Variants in ACTR3 observed in about 807,000 individuals in gnomAD.
The protein encoded by ACTR3 is actin-related protein 3.
A neutral mutation model predicts 56.8 loss-of-function variants in ACTR3; 12 were observed. The ratio of observed to expected loss-of-function variants is 0.21; its 90% CI spans 0.14 to 0.34. The LOEUF (loss-of-function observed/expected upper bound fraction) is 0.34, where lower values mean the gene tolerates loss of function less well. Among genes scored for constraint, ACTR3 ranks in the 10% least tolerant of loss-of-function variants. The pLI is 1.00. For missense variants in ACTR3, 282 were observed against 512.5 expected (o/e 0.55, Z 4.34); for synonymous variants, 162 against 167.4 (o/e 0.97, Z 0.25).
chr2:113,941,402 A>G (rs535501142), intron 7 of ACTR3, among the ~76,000 whole-genome samples: 105 of 152,258 alleles, frequency 6.9e-4, no homozygotes, highest in African/African-American at 2.4e-3. Flanking sequence ...TCTCACTTCC[A>G]AGGTTTGGAG....
chr2:113,934,533 C>T (rs968578685), intron 6 of ACTR3, 147 bp downstream of exon 6: 9 of 471,840 alleles, frequency 1.9e-5, no homozygotes, highest in Middle Eastern at 4.2e-4. Flanking sequence ...TTTTGCTCAC[C>T]GTTTAAAACT....
At chr2:113,906,852 G>A (rs12996997) in intron 1 of ACTR3, among the ~76,000 whole-genome samples, 12,527 of 152,116 alleles carry the variant, frequency 0.082, 567 homozygotes, top group East Asian at 0.18. Context: ...GGTCACTATA[G>A]CTTTGTAGTA....
chr2:113,898,574 T>C (rs181658362), intron 1 of ACTR3, among the ~76,000 whole-genome samples: 125 of 152,342 alleles, frequency 8.2e-4, no homozygotes, highest in Non-Finnish European at 1.4e-3. Context: ...TTCGTTGTAA[T>C]GCAGAGGCAT....
chr2:113,945,676 A>C (rs1001856530), intron 8 of ACTR3, among the ~76,000 whole-genome samples: 1 of 151,884 alleles, frequency 6.6e-6, no homozygotes, highest in Non-Finnish European at 1.5e-5. Context: ...TCAGGGGTAC[A>C]TGTACAGGTT....
At chr2:113,929,870 G>C (rs1267625936) in intron 4 of ACTR3, among the ~76,000 whole-genome samples, 7 of 151,810 alleles carry the variant, frequency 4.6e-5, no homozygotes, top group African/African-American at 1.7e-4. Flanking sequence ...GTAGAGACAG[G>C]ATTTTGCCAT....
chr2:113,956,127 A>G (rs965020971), intron 11 of ACTR3, among the ~76,000 whole-genome samples: 4 of 151,932 alleles, frequency 2.6e-5, no homozygotes, highest in African/African-American at 9.7e-5. Flanking sequence ...CTTGGGCTCA[A>G]GTGATCCTTC....
intron 1 of ACTR3, among the ~76,000 whole-genome samples, chr2:113,911,220 C>G (rs1679300017): frequency 1.3e-5 from 2 of 151,488 alleles, no homozygotes; most frequent in Non-Finnish European, 1.5e-5. Flanking sequence ...GGTGTCAGGG[C>G]AGCTGGGAGA....
chr2:113,952,408 T>C (rs926351376), intron 10 of ACTR3: 2 of 152,214 alleles, frequency 1.3e-5, no homozygotes, highest in African/African-American at 4.8e-5. Context: ...TAGAGATAGA[T>C]TCTTCATTTT....
chr2:113,931,058 T>C (rs1679715223), intron 4 of ACTR3, among the ~76,000 whole-genome samples: 1 of 152,144 alleles, frequency 6.6e-6, no homozygotes, highest in African/African-American at 2.4e-5. Flanking sequence ...GTATAAGTGG[T>C]ATGATATAGG....
At chr2:113,932,411 A>G (rs1028135586) in intron 5 of ACTR3, among the ~76,000 whole-genome samples, 2 of 152,176 alleles carry the variant, frequency 1.3e-5, no homozygotes, top group African/African-American at 4.8e-5. Flanking sequence ...TATGTTAAAT[A>G]TAATAAACTT....
At chr2:113,893,285 T>C (rs1291121506) in intron 1 of ACTR3, among the ~76,000 whole-genome samples, 2 of 143,722 alleles carry the variant, frequency 1.4e-5, no homozygotes, top group African/African-American at 5.7e-5. Context: ...TTGCTTTTTG[T>C]TTTTTTGTTT....
At chr2:113,914,336 G>A (rs1037392074) in intron 2 of ACTR3, among the ~76,000 whole-genome samples, 8 of 152,220 alleles carry the variant, frequency 5.3e-5, no homozygotes, top group Admixed American at 5.2e-4. Context: ...TGTCTGGCCG[G>A]GATCGGTGGC....
intron 6 of ACTR3, among the ~76,000 whole-genome samples, chr2:113,938,087 T>G (rs549452837): frequency 1.4e-4 from 21 of 152,234 alleles, no homozygotes; most frequent in African/African-American, 4.8e-4. Context: ...AAATTCACTA[T>G]TTTTTCTTCA....
In ACTR3 at chr2:113,940,011, G is replaced by A. The variant is rs1679896431; in HGVS notation, c.593G>A (p.Arg198Gln). 3 of 1,613,064 alleles carry A rather than the reference G, an allele frequency of 1.9e-6. No homozygotes were observed. The highest frequency in any genetic ancestry group is 1.1e-5 in the South Asian group (1 of 90,970). The change falls in exon 7 of 12, where the codon CGA becomes CAA. Residue 198 changes from arginine to glutamine, a missense_variant. Arg to Gln is a conservative substitution (Grantham distance 43, BLOSUM62 1). Transcript: ENST00000263238. ...ATTAAACACATTCCAATCGCAGGAC[G>A]AGATATAACATATTTTATTCAGCAA... ...SCIKHIPIAG[R>Q]DITYFIQQLL...
intron 3 of ACTR3, among the ~76,000 whole-genome samples, chr2:113,926,038 A>G (rs970042543): frequency 1.3e-5 from 2 of 152,168 alleles, no homozygotes; most frequent in African/African-American, 4.8e-5. Flanking sequence ...CTTAGTAGCC[A>G]CTTGAAAAAA....
At chr2:113,932,565 G>C (rs1311459631) in intron 5 of ACTR3, among the ~76,000 whole-genome samples, 1 of 151,944 alleles carries the variant, frequency 6.6e-6, no homozygotes, top group African/African-American at 2.4e-5. Context: ...TTTAATCTCT[G>C]TTCTGTTTTG....
intron 1 of ACTR3, among the ~76,000 whole-genome samples, chr2:113,899,446 G>A (rs2104581893): frequency 6.6e-6 from 1 of 152,236 alleles, no homozygotes; most frequent in Non-Finnish European, 1.5e-5. Flanking sequence ...TGAACACTAT[G>A]GTATATACAA....
At position 113,931,400 on chromosome 2, in the gene ACTR3, A is replaced by G. The variant is rs1452168908; in HGVS notation, c.432+4A>G. 2 of 1,551,988 alleles carry G rather than the reference A, an allele frequency of 1.3e-6. No individual in the cohort carries two copies. ...AGGCTTGTACATTGCTGTGCAGGTAAGCAAGTTCATACTTTCTAAGTTTGA... is the reference window on the plus strand; with the variant it reads ...AGGCTTGTACATTGCTGTGCAGGTAGGCAAGTTCATACTTTCTAAGTTTGA... On this transcript the variant is annotated splice_donor_region_variant and intron_variant, in intron 5 of 11. Coordinates refer to ENST00000263238, the MANE Select transcript of ACTR3 (RefSeq NM_005721.5).
chr2:113,958,009 A>G lies in ACTR3; in HGVS notation c.*554A>G, dbSNP rs1680254545. 1 of 152,342 alleles carries G rather than the reference A, an allele frequency of 6.6e-6. No homozygotes were observed. The highest frequency in any genetic ancestry group is 1.9e-4 in the East Asian group (1 of 5,196). The allele number at this position is 152,342 out of a possible 1,614,324, so 9.4% of individuals were successfully genotyped here. The stretch of plus-strand genomic sequence containing the variant: ...CCATCCCTCTCCACCCCTTCCCCCC[A>G]AAAGGTTTTCTTTGCAAGTGCTTTT... On this transcript the variant is annotated 3_prime_UTR_variant, in exon 12 of 12. Coordinates refer to ENST00000263238, the MANE Select transcript of ACTR3 (RefSeq NM_005721.5).
Sources: gnomAD v4.1 joint callset for allele counts (sites outside exome capture counted in the v4.1 genomes callset) on GRCh38, gnomAD v4.1.1 for gene constraint, MANE v1.5 for transcripts, NCBI Gene and HGNC (gene_info 2026-07-23, HGNC 2026-07-21) for gene names.